KIF16B: variants seen among roughly 807,000 people sequenced by gnomAD.
KIF16B encodes the protein kinesin-like protein KIF16B.
In KIF16B, 98 loss-of-function variants were observed where a neutral mutation model predicts 156.3. The observed-to-expected ratio is 0.63, with a 90% confidence interval of 0.53 to 0.74. The LOEUF (loss-of-function observed/expected upper bound fraction) is 0.74, where lower values mean the gene tolerates loss of function less well. KIF16B is among the 30% of genes least tolerant of loss of function. The pLI is 0.00. For synonymous variants in KIF16B, 564 were observed against 583.7 expected (o/e 0.97, Z 0.49); for missense variants, 1,421 against 1,606.5 (o/e 0.88, Z 1.97).
At chr20:16,431,047 T>C (rs2066486065) in intron 12 of KIF16B, among the ~76,000 whole-genome samples, 1 of 152,124 alleles carries the variant, frequency 6.6e-6, no homozygotes, top group African/African-American at 2.4e-5. Flanking sequence ...TTGGTCTAAA[T>C]ACCATGCTTA....
chr20:16,319,331 T>C (rs972708877), intron 24 of KIF16B, among the ~76,000 whole-genome samples: 2 of 152,246 alleles, frequency 1.3e-5, no homozygotes, highest in Non-Finnish European at 2.9e-5. Context: ...GTATGGTATA[T>C]AAGAACTCTG....
intron 12 of KIF16B, among the ~76,000 whole-genome samples, chr20:16,458,397 G>A (rs1160825228): frequency 6.6e-6 from 1 of 152,096 alleles, no homozygotes; most frequent in Non-Finnish European, 1.5e-5. Flanking sequence ...GAAAATAAAA[G>A]CAAGCATTAA....
chr20:16,454,259 C>A lies in KIF16B; in HGVS notation c.1303-24277G>T, dbSNP rs530481295. 6.6e-5 allele frequency among the ~76,000 whole-genome samples: 10 copies of A among 151,720 alleles called. No homozygotes were observed. In the South Asian group the frequency reaches 2.1e-3, roughly 31 times the overall value. On this transcript the variant is annotated intron_variant, in intron 12 of 25. Transcript: ENST00000354981. ...TTACAAAAAGCATATTCATATTATT[C>A]ATATTTTCCATAAGAAAAAACAAAT...
chr20:16,448,477 C>A (rs943545982), intron 12 of KIF16B, among the ~76,000 whole-genome samples: 1 of 152,144 alleles, frequency 6.6e-6, no homozygotes, highest in Non-Finnish European at 1.5e-5. Context: ...CATGACCTCA[C>A]ACAGATTTCT....
chr20:16,273,515 A>T, intron 25 of KIF16B, 104 bp from the exon 26 acceptor site: 1 of 841,944 alleles, frequency 1.2e-6, no homozygotes, highest in South Asian at 1.6e-5. Context: ...ACATGGAGAA[A>T]CCTCATCTCT....
chr20:16,396,647 G>A (rs1312605366), intron 17 of KIF16B, among the ~76,000 whole-genome samples: 7 of 117,810 alleles, frequency 5.9e-5, no homozygotes, highest in East Asian at 3.3e-4. Flanking sequence ...AACTGTAGTC[G>A]CTTTTTTTTT....
Position 16,312,343 on chromosome 20 carries a change from G to A in KIF16B, c.3787C>T (p.His1263Tyr). Reference protein sequence around the residue: ...DERVIAERRSHLEKYLRDFFS... With the variant: ...DERVIAERRSYLEKYLRDFFS... ...CAGCTTAATTCTGTTACCTCTAAGT[G>A]ACTTCGTCTCTCAGCAATCACACGT... The change falls in exon 25 of 26, where the codon CAC becomes TAC. Residue 1263 changes from histidine (H) to tyrosine (Y), a missense_variant. Coordinates refer to ENST00000354981, the MANE Select transcript of KIF16B (RefSeq NM_024704.5). 6.2e-7 allele frequency: 1 copy of A among 1,612,092 alleles called. No homozygotes were observed. The highest frequency in any genetic ancestry group is 8.5e-7 in the Non-Finnish European group (1 of 1,178,538).
At chr20:16,440,941 G>A (rs1461824036) in intron 12 of KIF16B, among the ~76,000 whole-genome samples, 1 of 152,178 alleles carries the variant, frequency 6.6e-6, no homozygotes, top group East Asian at 1.9e-4. Flanking sequence ...TTTAAATTAT[G>A]CAAAATGCAT....
chr20:16,385,571 A>G (rs1285092971), intron 17 of KIF16B, among the ~76,000 whole-genome samples: 1 of 152,220 alleles, frequency 6.6e-6, no homozygotes, highest in Non-Finnish European at 1.5e-5. Context: ...CCCACCTCAA[A>G]GGGCTGTAGC....
intron 12 of KIF16B, among the ~76,000 whole-genome samples, chr20:16,475,300 C>T (rs2067778324): frequency 1.3e-5 from 2 of 152,120 alleles, no homozygotes; most frequent in South Asian, 4.1e-4. Flanking sequence ...GAGTTAGGTA[C>T]TATTATCCCC....
At chr20:16,522,644 T>C (rs182056155) in intron 3 of KIF16B, among the ~76,000 whole-genome samples, 74 of 152,262 alleles carry the variant, frequency 4.9e-4, no homozygotes, top group African/African-American at 1.7e-3. Flanking sequence ...ATTCAGGACT[T>C]GAACTCAGCT....
intron 12 of KIF16B, among the ~76,000 whole-genome samples, chr20:16,438,500 T>C (rs576182952): frequency 6.6e-5 from 10 of 152,336 alleles, no homozygotes; most frequent in African/African-American, 1.7e-4. Context: ...ATAGGGTTCA[T>C]ATTGTTTGCA....
At chr20:16,570,301 A>C (rs2071408942) in intron 1 of KIF16B, among the ~76,000 whole-genome samples, 1 of 152,230 alleles carries the variant, frequency 6.6e-6, no homozygotes, top group Admixed American at 6.5e-5. Flanking sequence ...AAATGGTCAA[A>C]TCAAAAAGTT....
chr20:16,471,020 A>G (rs1483795059), intron 12 of KIF16B, among the ~76,000 whole-genome samples: 1 of 152,094 alleles, frequency 6.6e-6, no homozygotes, highest in African/African-American at 2.4e-5. Flanking sequence ...TCAAATGGGA[A>G]GTGGAAAAAA....
Position 16,484,354 on chromosome 20 carries a change from T to G in KIF16B, c.1302+9937A>C, listed in dbSNP as rs16997699. Among the ~76,000 whole-genome samples the G allele has an allele frequency of 2.9e-3, 445 of 152,350 alleles. 3 individuals are homozygous for G. Among genetic ancestry groups the G allele is most frequent in the African/African-American group, 9.8e-3 (406 of 41,580 alleles). ...CAGCTCAGCCTCTGACCCTGCCAAGTGCAATAGCACTGACAGTCATCTCCC... is the reference window on the plus strand; with the variant it reads ...CAGCTCAGCCTCTGACCCTGCCAAGGGCAATAGCACTGACAGTCATCTCCC... On this transcript the variant is annotated intron_variant, in intron 12 of 25. Coordinates refer to ENST00000354981, the MANE Select transcript of KIF16B (RefSeq NM_024704.5).
In KIF16B at chr20:16,428,961, T is replaced by C; in HGVS notation, c.1466A>G (p.Gln489Arg). The C allele has an allele frequency of 6.2e-7, 1 of 1,613,416 alleles. No homozygotes were observed. The change falls in exon 14 of 26, where the codon CAA becomes CGA. Residue 489 changes from glutamine to arginine, a missense_variant. Gln to Arg is a conservative substitution (Grantham distance 43). Transcript: ENST00000354981. ...CTGATAAATATGCTCACCAATATCT[T>C]GCTCCGTGGAAGCATCGTCTCTACC... Reference protein sequence around the residue: ...YVGRDDASTEQDIVLHGLDLE... With the variant: ...YVGRDDASTERDIVLHGLDLE...
chr20:16,442,389 C>A (rs150000233), intron 12 of KIF16B, among the ~76,000 whole-genome samples: 1 of 146,484 alleles, frequency 6.8e-6, no homozygotes, highest in African/African-American at 2.5e-5. Context: ...CTATCTAATG[C>A]GATGCTCAGT....
chr20:16,475,901 T>C (rs950339873), intron 12 of KIF16B, among the ~76,000 whole-genome samples: 2 of 152,208 alleles, frequency 1.3e-5, no homozygotes, highest in African/African-American at 2.4e-5. Flanking sequence ...ACTCCAGAAA[T>C]GTGAAGATGC....
chr20:16,413,236 C>T (rs769895449), intron 15 of KIF16B, among the ~76,000 whole-genome samples: 4 of 152,026 alleles, frequency 2.6e-5, no homozygotes, highest in African/African-American at 9.7e-5. Flanking sequence ...TACCCAAAGA[C>T]AGACAAATTC....
Sources: allele counts gnomAD v4.1 joint callset (sites outside exome capture counted in the v4.1 genomes callset), GRCh38; gene constraint gnomAD v4.1.1; transcripts MANE v1.5; gene names NCBI Gene and HGNC (gene_info 2026-07-23, HGNC 2026-07-21).